The following STRN3 variants were observed in gnomAD, a reference collection of about 807,000 sequenced individuals.
STRN3 encodes striatin-3.
STRN3 carries 29 observed loss-of-function variants against 95.6 expected under a neutral mutation model. The ratio of observed to expected loss-of-function variants is 0.30; its 90% CI spans 0.23 to 0.41. The LOEUF is 0.41. Ranked by LOEUF, STRN3 falls within the 10% of genes least tolerant of loss-of-function variation. The pLI is 1.00. For missense variants in STRN3, 890 were observed against 972.1 expected (o/e 0.92, Z 1.12); for synonymous variants, 331 against 357.6 (o/e 0.93, Z 0.84).
chr14:30,996,273 T>C (rs997086983), intron 1 of STRN3, among the ~76,000 whole-genome samples: 7 of 152,024 alleles, frequency 4.6e-5, no homozygotes, highest in East Asian at 1.9e-4. Context: ...CAGCTGACAA[T>C]GAGAACCCCA....
Position 30,902,526 on chromosome 14 carries a change from AT to A in STRN3, c.2137+9del. On this transcript the variant is annotated intron_variant, in intron 16 of 17. Coordinates refer to ENST00000357479, the MANE Select transcript of STRN3 (RefSeq NM_001083893.2). ...GTATTACTAATATGAAAAGAAGACA[AT>A]TTGCTTACCCGTTTTATTGTCAAAA... 6.5e-7 allele frequency: 1 copy of A among 1,541,446 alleles called. No homozygotes were observed. The highest frequency in any genetic ancestry group is 8.9e-7 in the Non-Finnish European group (1 of 1,129,156).
chr14:30,911,118 C>T lies in STRN3; in HGVS notation c.1643G>A (p.Cys548Tyr). The change falls in exon 13 of 18, where the codon TGT (cysteine) becomes TAT (tyrosine). Residue 548 changes from cysteine to tyrosine, a missense_variant. Physicochemically the swap from Cys to Tyr is radical, Grantham distance 194 (BLOSUM62 -2). Coordinates refer to ENST00000357479, the MANE Select transcript of STRN3 (RefSeq NM_001083893.2). ...GGTTGCATCAATACCACCACTAAAA[C>T]ACTGTTCTCCATTAGAACTAATAGC... is the stretch of plus-strand genomic sequence containing the variant. ...SLAISSNGEQCFSGGIDATIQ... is the reference protein window; with the variant it reads ...SLAISSNGEQYFSGGIDATIQ... 6.2e-7 allele frequency: 1 copy of T among 1,614,078 alleles called. No homozygotes were observed. The highest frequency in any genetic ancestry group is 8.5e-7 in the Non-Finnish European group (1 of 1,180,004).
chr14:31,004,183 G>A (rs1394687811), intron 1 of STRN3, among the ~76,000 whole-genome samples: 2 of 152,072 alleles, frequency 1.3e-5, no homozygotes, highest in Admixed American at 6.6e-5. Flanking sequence ...TACTCGGGAG[G>A]CTGAGAGGTG....
At chr14:30,934,224 C>CA (rs1366395516) in intron 7 of STRN3, among the ~76,000 whole-genome samples, 3 of 151,948 alleles carry the variant, frequency 2.0e-5, no homozygotes, top group African/African-American at 7.3e-5. Flanking sequence ...CTTGGGTGGC[C>CA]AAGGTAGGAG....
intron 4 of STRN3, 151 bp downstream of exon 4, chr14:30,950,711 TA>T: frequency 4.7e-6 from 3 of 642,264 alleles, no homozygotes; most frequent in Non-Finnish European, 5.0e-6. Context: ...AACAAACTTT[TA>T]AAAAGATCCA....
At chr14:30,911,282 C>T (rs1594423932) in intron 12 of STRN3, 120 bp from the exon 13 acceptor site, 1 of 917,070 alleles carries the variant, frequency 1.1e-6, no homozygotes. Flanking sequence ...AGAACATGTA[C>T]ACCTGACTGG....
At chr14:31,021,153 G>A (rs1036012021) in intron 1 of STRN3, among the ~76,000 whole-genome samples, 1 of 152,064 alleles carries the variant, frequency 6.6e-6, no homozygotes, top group Non-Finnish European at 1.5e-5. Context: ...AGTGTGTTTT[G>A]TCAAGGGAAA....
chr14:30,919,166 G>A, intron 8 of STRN3, 60 bp from the exon 9 acceptor site: 1 of 1,437,306 alleles, frequency 7.0e-7, no homozygotes, highest in South Asian at 1.6e-5. Context: ...CTTTCCGGCA[G>A]CCTTTAAAAC....
intron 1 of STRN3, among the ~76,000 whole-genome samples, chr14:30,979,948 G>A (rs1264274400): frequency 6.6e-6 from 1 of 151,786 alleles, no homozygotes; most frequent in Non-Finnish European, 1.5e-5. Flanking sequence ...GCATGTGAAT[G>A]CACATAAGAA....
At chr14:30,982,461 C>T (rs1161157487) in intron 1 of STRN3, among the ~76,000 whole-genome samples, 1 of 152,154 alleles carries the variant, frequency 6.6e-6, no homozygotes, top group Non-Finnish European at 1.5e-5. Context: ...GCACACACCA[C>T]CACTCCCGGC....
At chr14:30,953,926 G>C (rs1043280143) in intron 3 of STRN3, among the ~76,000 whole-genome samples, 1 of 152,098 alleles carries the variant, frequency 6.6e-6, no homozygotes, top group Non-Finnish European at 1.5e-5. Flanking sequence ...ACAGCACCTG[G>C]CCTAGGTATG....
chr14:30,984,282 A>C (rs1229075644), intron 1 of STRN3, among the ~76,000 whole-genome samples: 3 of 149,880 alleles, frequency 2.0e-5, no homozygotes, highest in African/African-American at 7.3e-5. Context: ...AAAAAAAAAA[A>C]AAAAAAAAAA....
intron 1 of STRN3, among the ~76,000 whole-genome samples, chr14:31,004,320 G>T (rs117041431): frequency 6.6e-6 from 1 of 151,868 alleles, no homozygotes; most frequent in Non-Finnish European, 1.5e-5. Context: ...AAAAATTAGC[G>T]GAGTATGGTG....
chr14:30,991,856 G>C (rs532983362), intron 1 of STRN3, among the ~76,000 whole-genome samples: 1 of 151,628 alleles, frequency 6.6e-6, no homozygotes, highest in South Asian at 2.1e-4. Context: ...CCCAGTACTT[G>C]GGGAGGCATG....
rs565172560 is a variant in STRN3 at position 30,894,213 on chromosome 14, T to A, written c.*1198A>T. The A allele has an allele frequency of 2.6e-5, 4 of 152,500 alleles. No homozygotes were observed. Among genetic ancestry groups the A allele is most frequent in the Non-Finnish European group, 5.9e-5 (4 of 68,014 alleles). The allele number at this position is 152,500 out of a possible 1,614,324, so 9.4% of individuals were successfully genotyped here. A position where few individuals can be genotyped will look rare whatever the true frequency, so the allele number is the denominator to read the frequency against. On this transcript the variant is annotated 3_prime_UTR_variant, in exon 18 of 18. Coordinates refer to ENST00000357479, the MANE Select transcript of STRN3 (RefSeq NM_001083893.2). ...GATTCAACTATTTTTGTATCCTATT[T>A]GTAATGCAAATAAAACTTTACTCCA...
intron 1 of STRN3, among the ~76,000 whole-genome samples, chr14:30,984,754 GC>G (rs1168786055): frequency 6.6e-6 from 1 of 152,104 alleles, no homozygotes; most frequent in African/African-American, 2.4e-5. Flanking sequence ...CTCCACTCCA[GC>G]CTGGCGACAA....
At chr14:30,965,079 T>C (rs1880417317) in intron 1 of STRN3, among the ~76,000 whole-genome samples, 1 of 152,124 alleles carries the variant, frequency 6.6e-6, no homozygotes, top group Admixed American at 6.5e-5. Context: ...ACACACTATT[T>C]TGAGTATTGA....
chr14:31,004,839 A>G (rs969163845), intron 1 of STRN3, among the ~76,000 whole-genome samples: 1 of 152,112 alleles, frequency 6.6e-6, no homozygotes, highest in Non-Finnish European at 1.5e-5. Flanking sequence ...ACCAAAAATT[A>G]TCTGACACAG....
At chr14:30,934,973 TTAAA>T (rs1213722703) in intron 7 of STRN3, among the ~76,000 whole-genome samples, 186 bp downstream of exon 7, 1 of 152,190 alleles carries the variant, frequency 6.6e-6, no homozygotes, top group Non-Finnish European at 1.5e-5. Flanking sequence ...GCCATATATA[TTAAA>T]TAGTTTAGTC....
Sources: gnomAD v4.1 joint callset for allele counts (sites outside exome capture counted in the v4.1 genomes callset) on GRCh38, gnomAD v4.1.1 for gene constraint, MANE v1.5 for transcripts, NCBI Gene and HGNC (gene_info 2026-07-23, HGNC 2026-07-21) for gene names.